Variants in CELF2 observed in about 807,000 individuals in gnomAD.
The protein encoded by CELF2 is CUG triplet repeat RNA-binding protein 2.
Under a neutral mutation model 62.6 loss-of-function variants are expected in CELF2, and 8 were observed. The ratio of observed to expected loss-of-function variants is 0.13; its 90% CI spans 0.07 to 0.23. The LOEUF (loss-of-function observed/expected upper bound fraction) is 0.23, where lower values mean the gene tolerates loss of function less well. CELF2 is among the 10% of genes least tolerant of loss of function. The probability of loss-of-function intolerance (pLI) is 1.00; values close to 1 mark genes in which losing one functional copy is unlikely to be tolerated. For synonymous variants in CELF2, 258 were observed against 250.0 expected, an observed-to-expected ratio of 1.03 and a Z score of -0.30; for missense variants, 333 against 671.0, an observed-to-expected ratio of 0.50 and a Z score of 5.56.
upstream of CELF2, among the ~76,000 whole-genome samples, chr10:11,013,468 G>A (rs1246442279): frequency 6.6e-6 from 1 of 152,096 alleles, no homozygotes; most frequent in Non-Finnish European, 1.5e-5. The surrounding 1 kb of genome is among the most constrained non-coding windows in gnomAD (Gnocchi z 4.1). Flanking sequence ...GAGTGAGAAG[G>A]TATGTATCCA....
At chr10:10,971,661 A>G (rs1489745965) in intron 2 of CELF2, among the ~76,000 whole-genome samples, 1 of 152,158 alleles carries the variant, frequency 6.6e-6, no homozygotes, top group African/African-American at 2.4e-5. Context: ...ATCTCAGTTC[A>G]CTACAAACTG....
chr10:11,134,382 T>G (rs1390460122), intron 1 of CELF2, among the ~76,000 whole-genome samples: 5 of 152,212 alleles, frequency 3.3e-5, no homozygotes, highest in African/African-American at 1.2e-4. Context: ...GAGTGTGGCC[T>G]CAGAAGACTC....
At chr10:10,913,914 G>A (rs1182799767) in intron 1 of CELF2, among the ~76,000 whole-genome samples, 5 of 133,528 alleles carry the variant, frequency 3.7e-5, no homozygotes, top group Admixed American at 2.9e-4. Context: ...AGGGACGGAC[G>A]GGGCAGGGGA....
Position 11,005,558 on chromosome 10 carries a change from A to C in CELF2, c.53+118A>C, listed in dbSNP as rs780035610. On this transcript the variant is annotated intron_variant, in intron 1 of 12. Coordinates refer to the CELF2 transcript ENST00000416382. The surrounding 1 kb of genome is among the most constrained non-coding windows in gnomAD (Gnocchi z 4.3). ...TTACCTTAGAAGAGAAGGGGGGAAA[A>C]AGAATCTAAAGAGGAAGAGGGAGAT... 2.0e-5 allele frequency: 29 copies of C among 1,453,744 alleles called. No individual in the cohort carries two copies. Among genetic ancestry groups the C allele is most frequent in the Non-Finnish European group, 2.7e-5 (28 of 1,044,856 alleles). 90.1% of individuals were successfully genotyped at this position (1,453,744 alleles called of 1,614,324 possible). A position where few individuals can be genotyped will look rare whatever the true frequency, so the allele number is the denominator to read the frequency against.
At chr10:10,833,393 G>T (rs17148978) in intron 1 of CELF2, among the ~76,000 whole-genome samples, 2 of 152,110 alleles carry the variant, frequency 1.3e-5, no homozygotes, top group Non-Finnish European at 2.9e-5. Context: ...CTCCTTTTCC[G>T]TAGCACACAG....
At chr10:10,503,093 T>C in the CELF2 span, among the ~76,000 whole-genome samples, 1 of 151,984 alleles carries the variant, frequency 6.6e-6, no homozygotes, top group Non-Finnish European at 1.5e-5. Context: ...AGAGAACACA[T>C]GACGCATGAT....
intron 1 of CELF2, among the ~76,000 whole-genome samples, chr10:11,079,751 C>A (rs1032058616): frequency 1.3e-5 from 1 of 77,650 alleles, no homozygotes; most frequent in African/African-American, 5.3e-5. Context: ...GCCCCCCCCC[C>A]CTTTTTAGGC....
chr10:11,118,717 G>A (rs767704481), intron 1 of CELF2, among the ~76,000 whole-genome samples: 3 of 152,102 alleles, frequency 2.0e-5, no homozygotes, highest in Non-Finnish European at 4.4e-5. Flanking sequence ...AAATGTTAAA[G>A]CAAATAAATG....
intron 2 of CELF2, among the ~76,000 whole-genome samples, chr10:11,183,533 G>T (rs2074051016): frequency 6.6e-6 from 1 of 152,108 alleles, no homozygotes; most frequent in Non-Finnish European, 1.5e-5. Flanking sequence ...TTTGCTAAAG[G>T]GATTGTACCA....
At chr10:11,047,177 A>T (rs962854775) in intron 1 of CELF2, among the ~76,000 whole-genome samples, 11 of 152,170 alleles carry the variant, frequency 7.2e-5, no homozygotes, top group Non-Finnish European at 1.2e-4. Flanking sequence ...GCTACTTAGA[A>T]GGGAATACAG....
the CELF2 span, among the ~76,000 whole-genome samples, chr10:10,700,519 C>T: frequency 5.9e-5 from 9 of 152,178 alleles, no homozygotes; most frequent in Non-Finnish European, 8.8e-5. Context: ...CTGGGAGAGG[C>T]CCCATACCTG....
intron 1 of CELF2, among the ~76,000 whole-genome samples, chr10:10,918,246 T>G (rs1480562028): frequency 6.6e-6 from 1 of 152,198 alleles, no homozygotes; most frequent in African/African-American, 2.4e-5. Flanking sequence ...TTTCTTAGCT[T>G]GGGTATCCAC....
At chr10:10,647,144 C>G in the CELF2 span, among the ~76,000 whole-genome samples, 1 of 152,188 alleles carries the variant, frequency 6.6e-6, no homozygotes, top group African/African-American at 2.4e-5. Context: ...AACTCACAGC[C>G]TAGCCCTTGC....
At chr10:11,030,330 T>C (rs776956879) in intron 1 of CELF2, 1 of 152,244 alleles carries the variant, frequency 6.6e-6, no homozygotes, top group Non-Finnish European at 1.5e-5. Flanking sequence ...AATGAGGATA[T>C]TGAGGTTCTA....
the CELF2 span, among the ~76,000 whole-genome samples, chr10:10,689,222 A>T: frequency 6.6e-6 from 1 of 152,134 alleles, no homozygotes; most frequent in African/African-American, 2.4e-5. Context: ...CAGGAAATTG[A>T]CAATCATGGT....
At position 11,157,510 on chromosome 10, in the gene CELF2, A is replaced by C. The variant is rs779950691; in HGVS notation, c.75-7976A>C. On this transcript the variant is annotated intron_variant, in intron 1 of 12. Coordinates refer to ENST00000633077, the MANE Select transcript of CELF2 (RefSeq NM_001326342.2). The surrounding 1 kb of genome is among the most constrained non-coding windows in gnomAD (Gnocchi z 4.9). ...GAGTCACTTGTTTCTAACTAACTCC[A>C]GGCCTTTATTTATTGCTCTATTATA... Among the ~76,000 whole-genome samples the C allele has an allele frequency of 1.3e-5, 2 of 152,202 alleles. No individual in the cohort carries two copies. Among genetic ancestry groups the C allele is most frequent in the Non-Finnish European group, 2.9e-5 (2 of 68,026 alleles).
intron 2 of CELF2, among the ~76,000 whole-genome samples, chr10:11,210,899 C>T (rs1010826733): frequency 6.6e-6 from 1 of 152,046 alleles, no homozygotes; most frequent in Non-Finnish European, 1.5e-5. Context: ...CCACATGTAC[C>T]CCATAAATAT....
At chr10:11,103,900 T>C (rs1455002123) in intron 1 of CELF2, among the ~76,000 whole-genome samples, 2 of 152,180 alleles carry the variant, frequency 1.3e-5, no homozygotes, top group African/African-American at 4.8e-5. Context: ...TTGCATATTT[T>C]AAAATCTGGA....
chr10:10,556,210 G>C, the CELF2 span, among the ~76,000 whole-genome samples: 1 of 151,988 alleles, frequency 6.6e-6, no homozygotes, highest in East Asian at 1.9e-4. Context: ...AGTCCCCAGA[G>C]TGTGATATTC....
Sources: gnomAD v4.1 joint callset for allele counts (sites outside exome capture counted in the v4.1 genomes callset) on GRCh38, gnomAD v4.1.1 for gene constraint, Gnocchi (gnomAD v3.1) non-coding constraint, MANE v1.5 for transcripts, NCBI Gene and HGNC (gene_info 2026-07-23, HGNC 2026-07-21) for gene names.